Variants in KMT2C observed in about 807,000 individuals in gnomAD.
KMT2C encodes lysine methyltransferase 2C.
In KMT2C, 88 loss-of-function variants were observed where a neutral mutation model predicts 507.9. The ratio of observed to expected loss-of-function variants is 0.17; its 90% CI spans 0.15 to 0.21. KMT2C has a LOEUF of 0.21. KMT2C is among the 10% of genes least tolerant of loss of function. The probability of loss-of-function intolerance (pLI) is 1.00; values close to 1 mark genes in which losing one functional copy is unlikely to be tolerated. For missense variants in KMT2C, 4,954 were observed against 5,957.8 expected (o/e 0.83, Z 5.55); for synonymous variants, 2,049 against 2,080.8 (o/e 0.98, Z 0.42).
At chr7:152,149,215 G>A (rs1400890746) in intron 51 of KMT2C, 63 bp from the exon 52 acceptor site, 9 of 1,424,660 alleles carry the variant, frequency 6.3e-6, no homozygotes, top group African/African-American at 1.4e-5. Context: ...AGCAATTCTT[G>A]TTAAGACAAG....
intron 1 of KMT2C, among the ~76,000 whole-genome samples, chr7:152,422,788 C>T (rs1317670275): frequency 6.6e-6 from 1 of 152,008 alleles, no homozygotes; most frequent in Non-Finnish European, 1.5e-5. Context: ...CTTTGGAAGG[C>T]CAAGGCAGGC....
intron 34 of KMT2C, 100 bp from the exon 35 acceptor site, chr7:152,183,256 G>C: frequency 9.9e-7 from 1 of 1,006,860 alleles, no homozygotes; most frequent in Non-Finnish European, 1.4e-6. Flanking sequence ...AGAAAAAAAA[G>C]TCAGGTAAAA....
At chr7:152,267,662 G>A (rs138418827) in intron 7 of KMT2C, among the ~76,000 whole-genome samples, 4 of 152,212 alleles carry the variant, frequency 2.6e-5, no homozygotes, top group African/African-American at 9.6e-5. Context: ...CTCTACTTAT[G>A]GTTCTGACAT....
Position 152,182,505 on chromosome 7 carries a change from T to C in KMT2C, c.5355A>G (p.Gln1785=), listed in dbSNP as rs113994996. The part of the protein sequence containing the change: ...QVKNEQQQQQ[Q]QQFGSQHLLV... ...GAAGATGCTGAGAACCAAATTGCTG[T>C]TGTTGCTGCTGCTGCTGCTCATTTT... is the stretch of plus-strand genomic sequence containing the variant. Residue 1785 remains glutamine (Q), a synonymous_variant, in exon 36 of 59, where the codon CAA becomes CAG. Transcript: ENST00000262189. 441 of 1,613,958 alleles carry C rather than the reference T, an allele frequency of 2.7e-4. No individual in the cohort carries two copies. The African/African-American group carries it at 5.1e-3, about 19-fold the overall frequency.
chr7:152,209,161 CA>C (rs113423948), intron 23 of KMT2C, among the ~76,000 whole-genome samples: 239 of 60,202 alleles, frequency 4.0e-3, no homozygotes, highest in Non-Finnish European at 4.1e-3. Flanking sequence ...TTCCAACTCT[CA>C]AAAAAAAAAA....
chr7:152,432,646 ATATT>A (rs1485706918), intron 1 of KMT2C, among the ~76,000 whole-genome samples: 1 of 152,232 alleles, frequency 6.6e-6, no homozygotes, highest in African/African-American at 2.4e-5. Flanking sequence ...AAATTTTAAG[ATATT>A]TATAGTTAAT....
intron 28 of KMT2C, chr7:152,195,542 T>C: frequency 1.0e-6 from 1 of 985,268 alleles, no homozygotes. Flanking sequence ...AGGTGAGCTC[T>C]CAACCTGGAA....
intron 9 of KMT2C, among the ~76,000 whole-genome samples, chr7:152,261,646 A>C (rs1210219816): frequency 6.6e-6 from 1 of 152,230 alleles, no homozygotes; most frequent in Non-Finnish European, 1.5e-5. Flanking sequence ...AAATACAATA[A>C]ATTTGGCTTC....
chr7:152,299,394 C>CT (rs201163806), intron 6 of KMT2C, among the ~76,000 whole-genome samples: 1,976 of 151,816 alleles, frequency 0.013, 47 homozygotes, highest in African/African-American at 0.046. Context: ...TGGCTCACAC[C>CT]TGTAATCCCA....
In KMT2C at chr7:152,259,446, G is replaced by GCGCACA. The variant is rs1188729137; in HGVS notation, c.1299+3569_1299+3570insTGTGCG. ...GACAAAAACACAGACACACACACGCGCACACACACACACACACACACACAC... is the reference window on the plus strand; with the variant it reads ...GACAAAAACACAGACACACACACGCGCGCACACACACACACACACACACACACACAC... On this transcript the variant is annotated intron_variant, in intron 9 of 58. Transcript: ENST00000262189. 2.6e-3 allele frequency among the ~76,000 whole-genome samples: 351 copies of GCGCACA among 134,774 alleles called. 1 individual carries two copies. The highest frequency in any genetic ancestry group is 7.3e-3 in the African/African-American group (259 of 35,624). The allele number at this position is 134,774 out of a possible 152,430, so 88.4% of individuals were successfully genotyped here.
intron 1 of KMT2C, among the ~76,000 whole-genome samples, chr7:152,369,020 TA>T (rs552578766): frequency 0.014 from 2,000 of 145,614 alleles, 24 homozygotes; most frequent in African/African-American, 0.036. Context: ...TGTGGAAGGT[TA>T]AAAAAAAAAA....
chr7:152,196,998 TGAG>T (rs1207501795), intron 27 of KMT2C, among the ~76,000 whole-genome samples: 2 of 152,100 alleles, frequency 1.3e-5, no homozygotes, highest in African/African-American at 4.8e-5. Context: ...TGAAGTGTAA[TGAG>T]AAGTTGCTGG....
At chr7:152,249,767 G>T (rs1177984079) in intron 13 of KMT2C, 109 bp downstream of exon 13, 2 of 211,180 alleles carry the variant, frequency 9.5e-6, no homozygotes, top group Non-Finnish European at 1.9e-5. Context: ...TTAACTAAAA[G>T]ATTTAGTTAC....
At chr7:152,299,632 G>A (rs1446711050) in intron 6 of KMT2C, among the ~76,000 whole-genome samples, 1 of 152,014 alleles carries the variant, frequency 6.6e-6, no homozygotes, top group African/African-American at 2.4e-5. Context: ...TTGGGTGACA[G>A]AGTAAGACCC....
At chr7:152,230,886 C>T (rs572705254) in intron 16 of KMT2C, among the ~76,000 whole-genome samples, 9 of 152,242 alleles carry the variant, frequency 5.9e-5, no homozygotes, top group Admixed American at 4.6e-4. Flanking sequence ...GGCGCGATCT[C>T]GGCTCGTTGC....
rs534308195 is a variant in KMT2C at position 152,367,450 on chromosome 7, TCAAA to T, written c.162-8779_162-8776del. ...GCAGGCTGGTCTGGAACTCCTGAGC[TCAAA>T]CAATCTACCCACCTCGGCCTCCCAA... On this transcript the variant is annotated intron_variant, in intron 1 of 58. Coordinates refer to ENST00000262189, the MANE Select transcript of KMT2C (RefSeq NM_170606.3). 1.9e-4 allele frequency: 139 copies of T among 746,300 alleles called. 1 individual carries two copies. The highest frequency in any genetic ancestry group is 1.6e-3 in the African/African-American group (91 of 58,278). 46.2% of individuals were successfully genotyped at this position (746,300 alleles called of 1,614,324 possible).
intron 31 of KMT2C, among the ~76,000 whole-genome samples, chr7:152,191,707 C>A (rs2093798953): frequency 6.6e-6 from 1 of 152,182 alleles, no homozygotes; most frequent in Non-Finnish European, 1.5e-5. Flanking sequence ...TTTCTCAGAG[C>A]CCTTTACAAT....
Position 152,177,218 on chromosome 7 carries a change from C to T in KMT2C, c.8235G>A (p.Leu2745=), listed in dbSNP as rs150354371. ...LDNLETNDPN[L]DDLLRSGEFD... ...ACTCTCCTGACCTTAAGAGGTCATC[C>T]AGGTTGGGATCATTAGTTTCCAAAT... is the stretch of plus-strand genomic sequence containing the variant. Residue 2745 remains leucine, a synonymous_variant, in exon 38 of 59, where the codon CTG becomes CTA. Coordinates refer to ENST00000262189, the MANE Select transcript of KMT2C (RefSeq NM_170606.3). The T allele has an allele frequency of 2.0e-5, 33 of 1,613,364 alleles. No individual in the cohort carries two copies. In the African/African-American group the frequency reaches 3.7e-4, roughly 18 times the overall value.
intron 3 of KMT2C, among the ~76,000 whole-genome samples, chr7:152,321,774 T>C (rs1250170358): frequency 1.3e-5 from 2 of 151,762 alleles, no homozygotes; most frequent in Admixed American, 6.6e-5. Context: ...TAAGAAAACA[T>C]CAAGAAATGG....
Sources: allele counts gnomAD v4.1 joint callset (sites outside exome capture counted in the v4.1 genomes callset), GRCh38; gene constraint gnomAD v4.1.1; transcripts MANE v1.5; gene names NCBI Gene and HGNC (gene_info 2026-07-23, HGNC 2026-07-21).